Variants in ME3 observed in about 807,000 individuals in gnomAD.
ME3 encodes the protein malic enzyme 3, also known as NADP-dependent malic enzyme, mitochondrial.
Under a neutral mutation model 68.9 loss-of-function variants are expected in ME3, and 48 were observed. The ratio of observed to expected loss-of-function variants is 0.70; its 90% CI spans 0.55 to 0.89. The LOEUF is 0.89. Ranked by LOEUF, ME3 falls within the 40% of genes least tolerant of loss-of-function variation. ME3 has a pLI of 0.00. For synonymous variants in ME3, 320 were observed against 318.8 expected, an observed-to-expected ratio of 1.00 and a Z score of -0.04; for missense variants, 675 against 797.4, an observed-to-expected ratio of 0.85 and a Z score of 1.85.
chr11:86,441,138 C>T, exon 15 of ME3: 1 of 798,704 alleles, frequency 1.3e-6, no homozygotes, highest in East Asian at 3.0e-5. Flanking sequence ...TCACTGTATG[C>T]CTTGGCATCT....
intron 2 of ME3, among the ~76,000 whole-genome samples, chr11:86,637,322 C>T (rs890746706): frequency 2.3e-4 from 28 of 123,392 alleles, no homozygotes; most frequent in African/African-American, 6.3e-4. Context: ...GAAGGTAATA[C>T]GTAAACAACA....
chr11:86,459,880 C>T (rs1950146231), intron 8 of ME3, among the ~76,000 whole-genome samples: 1 of 152,202 alleles, frequency 6.6e-6, no homozygotes, highest in African/African-American at 2.4e-5. Context: ...CCAGGGAAGG[C>T]TGGCCAGGTG....
intron 4 of ME3, among the ~76,000 whole-genome samples, chr11:86,525,887 G>A (rs1459334710): frequency 6.6e-6 from 1 of 151,110 alleles, no homozygotes; most frequent in Non-Finnish European, 1.5e-5. Flanking sequence ...AAAGGAGAGG[G>A]TGGAGCCAAG....
At chr11:86,441,836 C>T (rs1279044306) in intron 14 of ME3, among the ~76,000 whole-genome samples, 2 of 150,924 alleles carry the variant, frequency 1.3e-5, no homozygotes, top group Non-Finnish European at 3.0e-5. Flanking sequence ...GATTTTTTTT[C>T]CACTTGAATA....
chr11:86,627,059 C>T (rs187604399), intron 2 of ME3, among the ~76,000 whole-genome samples: 1 of 152,276 alleles, frequency 6.6e-6, no homozygotes, highest in Non-Finnish European at 1.5e-5. Flanking sequence ...TATAAATGCC[C>T]TGCAGTAGAA....
At chr11:86,499,892 A>G (rs558599085) in intron 5 of ME3, among the ~76,000 whole-genome samples, 7 of 152,342 alleles carry the variant, frequency 4.6e-5, no homozygotes, top group Non-Finnish European at 8.8e-5. Context: ...TGTCGGCCAC[A>G]TGCCTGGCAC....
At chr11:86,508,798 A>G in exon 5 of ME3, 1 of 1,610,776 alleles carries the variant, frequency 6.2e-7, no homozygotes, top group Non-Finnish European at 8.5e-7. Context: ...ATACCTTAAT[A>G]TTGTCTTCTG....
intron 2 of ME3, among the ~76,000 whole-genome samples, chr11:86,560,393 A>C (rs929216149): frequency 1.3e-5 from 2 of 152,156 alleles, no homozygotes; most frequent in African/African-American, 2.4e-5. Flanking sequence ...CTCCCCAGAC[A>C]TGTGGAACTA....
chr11:86,561,173 C>A (rs953630593), intron 2 of ME3, among the ~76,000 whole-genome samples: 1 of 152,120 alleles, frequency 6.6e-6, no homozygotes, highest in Admixed American at 6.5e-5. Context: ...ATTTCTTTGA[C>A]ATACTACCCA....
exon 13 of ME3, chr11:86,446,386 G>C: frequency 6.2e-7 from 1 of 1,614,180 alleles, no homozygotes; most frequent in Non-Finnish European, 8.5e-7. Flanking sequence ...GTGCCACCCC[G>C]GGGAACACGT....
chr11:86,645,381 G>A (rs1343919631), intron 2 of ME3, among the ~76,000 whole-genome samples: 4 of 152,126 alleles, frequency 2.6e-5, no homozygotes, highest in Non-Finnish European at 4.4e-5. Flanking sequence ...GTGGGGGGAG[G>A]GGTGTCCACC....
At chr11:86,521,836 CTGTGT>C (rs1323702614) in intron 4 of ME3, among the ~76,000 whole-genome samples, 1 of 152,194 alleles carries the variant, frequency 6.6e-6, no homozygotes, top group African/African-American at 2.4e-5. Context: ...AGTCCTTTCC[CTGTGT>C]AGTCATTAAT....
chr11:86,448,255 C>G (rs779293113), exon 11 of ME3: 1 of 1,612,036 alleles, frequency 6.2e-7, no homozygotes. Context: ...TGGCTCCTCC[C>G]CTACAGGAAA....
chr11:86,584,646 A>G (rs1306691564), intron 2 of ME3, among the ~76,000 whole-genome samples: 1 of 152,236 alleles, frequency 6.6e-6, no homozygotes, highest in East Asian at 1.9e-4. Context: ...ATACAACAAT[A>G]TGGATGAATC....
intron 2 of ME3, among the ~76,000 whole-genome samples, chr11:86,577,751 T>C (rs921472994): frequency 1.3e-5 from 2 of 152,246 alleles, no homozygotes; most frequent in South Asian, 2.1e-4. Context: ...TTGCCAATGA[T>C]AAATAATATC....
intron 4 of ME3, among the ~76,000 whole-genome samples, chr11:86,516,523 G>A (rs906849100): frequency 5.9e-5 from 9 of 152,114 alleles, no homozygotes; most frequent in Non-Finnish European, 1.2e-4. Flanking sequence ...AAGTAGCTGG[G>A]ACTACAGGCA....
chr11:86,645,263 A>G (rs1944925051), intron 2 of ME3, among the ~76,000 whole-genome samples: 1 of 152,154 alleles, frequency 6.6e-6, no homozygotes, highest in African/African-American at 2.4e-5. Flanking sequence ...CAAGTGGTCT[A>G]GCTCATCAGA....
At chr11:86,653,509 A>G (rs1945624480) in intron 2 of ME3, among the ~76,000 whole-genome samples, 1 of 152,342 alleles carries the variant, frequency 6.6e-6, no homozygotes, top group African/African-American at 2.4e-5. Flanking sequence ...GGTACATAAC[A>G]AAATGAAGGC....
intron 2 of ME3, among the ~76,000 whole-genome samples, chr11:86,631,994 A>G (rs904186608): frequency 6.6e-6 from 1 of 152,168 alleles, no homozygotes; most frequent in African/African-American, 2.4e-5. Context: ...CAGCCTCCCA[A>G]AGGGCTGGGA....
Sources: allele counts gnomAD v4.1 joint callset (sites outside exome capture counted in the v4.1 genomes callset), GRCh38; gene constraint gnomAD v4.1.1; transcripts MANE v1.5; gene names NCBI Gene and HGNC (gene_info 2026-07-23, HGNC 2026-07-21).